Variants in CDHR3 observed in about 807,000 individuals in gnomAD.
The protein encoded by CDHR3 is cadherin-related family member 3.
In CDHR3, 79 loss-of-function variants were observed where a neutral mutation model predicts 86.6. That is an observed-to-expected ratio of 0.91 (90% CI 0.76 to 1.10). The LOEUF (loss-of-function observed/expected upper bound fraction) is 1.10. Among genes scored for constraint, CDHR3 ranks in the 50% least tolerant of loss-of-function variants. CDHR3 has a pLI of 0.00. For synonymous variants in CDHR3, 421 were observed against 402.4 expected, an observed-to-expected ratio of 1.05 and a Z score of -0.55; for missense variants, 1,081 against 1,077.6, an observed-to-expected ratio of 1.00 and a Z score of -0.04.
chr7:106,019,275 C>A (rs1345440912), intron 12 of CDHR3, among the ~76,000 whole-genome samples: 1 of 152,104 alleles, frequency 6.6e-6, no homozygotes, highest in Non-Finnish European at 1.5e-5. Flanking sequence ...CCTGAATAGT[C>A]CGCTTCCTCC....
At position 106,001,460 on chromosome 7, in the gene CDHR3, A is replaced by G. The variant is rs1451161287; in HGVS notation, c.714-2A>G. The G allele has an allele frequency of 6.2e-7, 1 of 1,613,526 alleles. No homozygotes were observed. Among genetic ancestry groups the G allele is most frequent in the Non-Finnish European group, 8.5e-7 (1 of 1,179,584 alleles). ...GCTGTGTCTGCTGTATCTCTGTTCC[A>G]GCCCGACACGAGTGTACACAGTCCT... is the stretch of plus-strand genomic sequence containing the variant. On this transcript the variant is annotated splice_acceptor_variant, in intron 6 of 18. Coordinates refer to ENST00000317716, the MANE Select transcript of CDHR3 (RefSeq NM_152750.5). LOFTEE classifies it high-confidence loss of function.
At chr7:105,985,540 G>A (rs1033488052) in intron 4 of CDHR3, among the ~76,000 whole-genome samples, 1 of 152,060 alleles carries the variant, frequency 6.6e-6, no homozygotes, top group African/African-American at 2.4e-5. Flanking sequence ...AATGAGCCTT[G>A]GGAATACCAG....
Position 105,995,728 on chromosome 7 carries a change from GT to G in CDHR3, c.609-521del, listed in dbSNP as rs147288916. Reference sequence around the variant, plus strand: ...GATGGCATTTTTTTTCTAAGATGTAGTCATTAATGTCAAGGGTGATCTATAC... The same window carrying G: ...GATGGCATTTTTTTTCTAAGATGTAGCATTAATGTCAAGGGTGATCTATAC... On this transcript the variant is annotated intron_variant, in intron 5 of 18. Transcript: ENST00000317716. Among the ~76,000 whole-genome samples, 350 of 152,262 alleles carry G rather than the reference GT, an allele frequency of 2.3e-3. 1 individual carries two copies. Among genetic ancestry groups the G allele is most frequent in the African/African-American group, 8.0e-3 (333 of 41,548 alleles).
chr7:106,003,367 G>T (rs1211624920), intron 7 of CDHR3, among the ~76,000 whole-genome samples: 2 of 152,032 alleles, frequency 1.3e-5, no homozygotes, highest in Non-Finnish European at 2.9e-5. Context: ...TCTCTGAAGG[G>T]GACTTCTCTG....
intron 8 of CDHR3, among the ~76,000 whole-genome samples, chr7:106,010,551 C>G (rs532734293): frequency 6.6e-6 from 1 of 152,288 alleles, no homozygotes; most frequent in East Asian, 1.9e-4. Flanking sequence ...ATTACACGCT[C>G]CAGCAAGCAA....
chr7:106,029,560 C>G (rs1349497476), intron 17 of CDHR3, among the ~76,000 whole-genome samples: 1 of 151,872 alleles, frequency 6.6e-6, no homozygotes, highest in East Asian at 1.9e-4. Flanking sequence ...CTCTCTCTCT[C>G]TCTCTCTCTC....
intron 8 of CDHR3, among the ~76,000 whole-genome samples, chr7:106,011,069 G>T (rs1834727658): frequency 1.3e-5 from 2 of 152,194 alleles, no homozygotes; most frequent in South Asian, 4.1e-4. Context: ...ATGCTCTCAT[G>T]GTTAAAGGTC....
chr7:105,981,194 G>A (rs1407639092), intron 3 of CDHR3, 61 bp downstream of exon 3: 2 of 1,517,582 alleles, frequency 1.3e-6, no homozygotes, highest in Non-Finnish European at 1.8e-6. Flanking sequence ...GGCCCTGGGG[G>A]ACAGAGAGAA....
At chr7:106,011,602 A>G (rs1375747389) in intron 8 of CDHR3, among the ~76,000 whole-genome samples, 4 of 152,184 alleles carry the variant, frequency 2.6e-5, no homozygotes, top group Admixed American at 6.5e-5. Context: ...GTGAGAAACC[A>G]TAAATGCTTG....
chr7:106,006,791 C>T (rs142149902), intron 8 of CDHR3, among the ~76,000 whole-genome samples: 2,897 of 152,230 alleles, frequency 0.019, 94 homozygotes, highest in African/African-American at 0.065. Flanking sequence ...AGTGGATTTA[C>T]CATTCTGGGG....
chr7:106,004,690 A>G lies in CDHR3; in HGVS notation c.1052+3A>G. The G allele has an allele frequency of 6.2e-7, 1 of 1,613,958 alleles. No homozygotes were observed. Among genetic ancestry groups the G allele is most frequent in the Non-Finnish European group, 8.5e-7 (1 of 1,179,854 alleles). On this transcript the variant is annotated splice_donor_region_variant and intron_variant, in intron 8 of 18. Coordinates refer to ENST00000317716, the MANE Select transcript of CDHR3 (RefSeq NM_152750.5). ...ACATGCCAAAAGTTCACCTTCAGGT[A>G]TGCACACTTTGAAAGTTGGGCTGGA... is the stretch of plus-strand genomic sequence containing the variant.
chr7:106,028,476 C>G, intron 16 of CDHR3, 75 bp from the exon 17 acceptor site: 1 of 1,509,010 alleles, frequency 6.6e-7, no homozygotes, highest in Non-Finnish European at 9.2e-7. Context: ...AGGGGAAATA[C>G]CGTTGTGGAG....
chr7:105,966,082 A>C (rs988032432), intron 1 of CDHR3, among the ~76,000 whole-genome samples: 2 of 152,194 alleles, frequency 1.3e-5, no homozygotes, highest in Non-Finnish European at 2.9e-5. Flanking sequence ...AAGAATATAA[A>C]CTAGACAAAA....
chr7:106,029,543 C>CCTGT (rs1316782284), intron 17 of CDHR3, among the ~76,000 whole-genome samples: 163 of 96,606 alleles, frequency 1.7e-3, no homozygotes, highest in South Asian at 6.4e-3. Flanking sequence ...CTCTCCTCCA[C>CCTGT]CTCTGTCTCT....
intron 2 of CDHR3, among the ~76,000 whole-genome samples, chr7:105,979,068 CAG>C (rs1829244772): frequency 6.6e-6 from 1 of 152,192 alleles, no homozygotes; most frequent in African/African-American, 2.4e-5. Context: ...TCACCATTTG[CAG>C]AGTGTTTGCT....
At chr7:105,972,358 A>G (rs1459519836) in intron 1 of CDHR3, among the ~76,000 whole-genome samples, 1 of 152,180 alleles carries the variant, frequency 6.6e-6, no homozygotes, top group Non-Finnish European at 1.5e-5. Context: ...ATTGAGAAAA[A>G]CATAGCAAGT....
Position 106,004,668 on chromosome 7 carries a change from T to C in CDHR3, c.1033T>C (p.Cys345Arg). The C allele has an allele frequency of 1.2e-6, 2 of 1,614,036 alleles. No homozygotes were observed. The highest frequency in any genetic ancestry group is 4.5e-5 in the East Asian group (2 of 44,882). ...VEDVNDNPAT[C>R]QKFTFSIMVP... The stretch of plus-strand genomic sequence containing the variant: ...AGACGTCAACGACAATCCTGCCACA[T>C]GCCAAAAGTTCACCTTCAGGTATGC... Residue 345 changes from cysteine to arginine, a missense_variant, in exon 8 of 19, where the codon TGC (cysteine) becomes CGC (arginine). Coordinates refer to ENST00000317716, the MANE Select transcript of CDHR3 (RefSeq NM_152750.5).
At chr7:105,963,970 G>C (rs1826440798) in intron 1 of CDHR3, among the ~76,000 whole-genome samples, 1 of 152,134 alleles carries the variant, frequency 6.6e-6, no homozygotes, top group Non-Finnish European at 1.5e-5. Context: ...TTTCTGAATA[G>C]GTAGTATATG....
chr7:106,009,671 C>T (rs1029282132), intron 8 of CDHR3, among the ~76,000 whole-genome samples: 4 of 152,134 alleles, frequency 2.6e-5, no homozygotes, highest in African/African-American at 9.7e-5. Flanking sequence ...CCCTGCTGCC[C>T]GCGCGGGCTC....
Sources: gnomAD v4.1 joint callset for allele counts (sites outside exome capture counted in the v4.1 genomes callset) on GRCh38, gnomAD v4.1.1 for gene constraint, MANE v1.5 for transcripts, NCBI Gene and HGNC (gene_info 2026-07-23, HGNC 2026-07-21) for gene names.